COL19A1: variants seen among roughly 807,000 people sequenced by gnomAD.
COL19A1 encodes collagen alpha-1(XIX) chain.
A neutral mutation model predicts 190.2 loss-of-function variants in COL19A1; 159 were observed. The ratio of observed to expected loss-of-function variants is 0.84; its 90% CI spans 0.73 to 0.95. The LOEUF is 0.95. Ranked by LOEUF, COL19A1 falls within the 40% of genes least tolerant of loss-of-function variation. The probability of loss-of-function intolerance (pLI) is 0.00; values close to 1 mark genes in which losing one functional copy is unlikely to be tolerated. For missense variants in COL19A1, 1,418 were observed against 1,431.9 expected, an observed-to-expected ratio of 0.99 and a Z score of 0.16; for synonymous variants, 509 against 458.9, an observed-to-expected ratio of 1.11 and a Z score of -1.39.
chr6:70,003,301 A>G (rs1245846057), intron 11 of COL19A1, among the ~76,000 whole-genome samples: 1 of 152,094 alleles, frequency 6.6e-6, no homozygotes, highest in Admixed American at 6.5e-5. Context: ...TATGTGGTTG[A>G]TTTTAGAATA....
chr6:69,879,321 C>G (rs1231495662), intron 1 of COL19A1, among the ~76,000 whole-genome samples: 1 of 152,080 alleles, frequency 6.6e-6, no homozygotes, highest in East Asian at 1.9e-4. Flanking sequence ...ACATCAATAA[C>G]TAACTAGAAA....
chr6:70,021,980 G>T (rs111456517), intron 11 of COL19A1, among the ~76,000 whole-genome samples: 1 of 151,878 alleles, frequency 6.6e-6, no homozygotes, highest in Non-Finnish European at 1.5e-5. Context: ...TATTGTATGC[G>T]TTTCTTATGT....
At chr6:70,204,449 T>C (rs1336008378) in intron 49 of COL19A1, among the ~76,000 whole-genome samples, 1 of 152,234 alleles carries the variant, frequency 6.6e-6, no homozygotes, top group African/African-American at 2.4e-5. Context: ...TCGCTTTATC[T>C]ATTAATAACA....
Position 70,204,178 on chromosome 6 carries a change from G to A in COL19A1, c.3224-2723G>A, listed in dbSNP as rs117574542. On this transcript the variant is annotated intron_variant, in intron 49 of 50. Transcript: ENST00000620364. ...GCCTTGCCCATCCTGTAGACTTATCGTATATGGAAATACATGTCTCTTTGC... is the reference window on the plus strand; with the variant it reads ...GCCTTGCCCATCCTGTAGACTTATCATATATGGAAATACATGTCTCTTTGC... Among the ~76,000 whole-genome samples, 689 of 152,154 alleles carry A rather than the reference G, an allele frequency of 4.5e-3. 8 individuals carry two copies. The highest frequency in any genetic ancestry group is 0.034 in the Middle Eastern group (10 of 294).
In COL19A1 at chr6:70,041,517, C is replaced by T. The variant is rs533150648; in HGVS notation, c.1170+5578C>T. ...GTGCTATGTATTGTTTAAACCAAACCTTAAACAACCCTGTGAGGTATAAAA... is the reference window on the plus strand; with the variant it reads ...GTGCTATGTATTGTTTAAACCAAACTTTAAACAACCCTGTGAGGTATAAAA... On this transcript the variant is annotated intron_variant, in intron 14 of 50. Transcript: ENST00000620364. Among the ~76,000 whole-genome samples the T allele has an allele frequency of 2.4e-3, 371 of 151,904 alleles. 3 individuals are homozygous for T. The highest frequency in any genetic ancestry group is 8.5e-3 in the African/African-American group (351 of 41,436).
In COL19A1 at chr6:69,869,277, G is replaced by A. The variant is rs185145458; in HGVS notation, c.-33+2637G>A. Among the ~76,000 whole-genome samples, 914 of 152,336 alleles carry A rather than the reference G, an allele frequency of 6.0e-3. 4 individuals carry two copies. The highest frequency in any genetic ancestry group is 9.7e-3 in the Non-Finnish European group (662 of 68,022). ...AAATCTGAGATGAGTAGAGCAGATA[G>A]CACCTGCCAAGGAGAGATTGGAAAG... On this transcript the variant is annotated intron_variant, in intron 1 of 50. Transcript: ENST00000620364.
intron 14 of COL19A1, among the ~76,000 whole-genome samples, chr6:70,038,867 G>T (rs1009756026): frequency 1.3e-5 from 2 of 151,856 alleles, no homozygotes; most frequent in African/African-American, 4.8e-5. Context: ...GTTCTCTGTC[G>T]CATCCTGGCC....
intron 9 of COL19A1, among the ~76,000 whole-genome samples, chr6:69,942,465 A>G (rs1166458936): frequency 1.3e-5 from 2 of 152,166 alleles, no homozygotes; most frequent in South Asian, 4.1e-4. Context: ...TGAACAGAAG[A>G]GCTTATTTAT....
At chr6:70,032,097 A>G (rs1365987956) in intron 12 of COL19A1, among the ~76,000 whole-genome samples, 6 of 152,156 alleles carry the variant, frequency 3.9e-5, no homozygotes, top group African/African-American at 7.2e-5. Context: ...CTGGATAGAA[A>G]ATTACTAAGA....
intron 14 of COL19A1, among the ~76,000 whole-genome samples, chr6:70,062,281 G>C (rs975055967): frequency 2.6e-5 from 4 of 152,142 alleles, no homozygotes; most frequent in Admixed American, 6.6e-5. Flanking sequence ...ACTGAACTCT[G>C]AGAATATTAA....
At chr6:70,158,634 C>A (rs967041390) in intron 34 of COL19A1, among the ~76,000 whole-genome samples, 3 of 151,992 alleles carry the variant, frequency 2.0e-5, no homozygotes, top group Admixed American at 6.6e-5. Context: ...TGATTTCTTG[C>A]TTGAAATGCA....
chr6:69,888,135 A>G (rs1479473409), intron 2 of COL19A1, among the ~76,000 whole-genome samples: 1 of 152,176 alleles, frequency 6.6e-6, no homozygotes, highest in Admixed American at 6.5e-5. Context: ...AGAAAGGGCC[A>G]TTGTCAGAGG....
chr6:70,187,264 T>C (rs1371192256), intron 46 of COL19A1, among the ~76,000 whole-genome samples: 1 of 152,156 alleles, frequency 6.6e-6, no homozygotes, highest in Non-Finnish European at 1.5e-5. Context: ...TTTGATCTTT[T>C]CAATGGTTCT....
intron 11 of COL19A1, among the ~76,000 whole-genome samples, chr6:69,980,300 T>C (rs1390628772): frequency 6.6e-6 from 1 of 152,142 alleles, no homozygotes. Context: ...ATAACTTTTG[T>C]ATTTTTATTC....
chr6:70,074,484 G>T (rs905113241), intron 15 of COL19A1, among the ~76,000 whole-genome samples: 4 of 113,094 alleles, frequency 3.5e-5, no homozygotes, highest in Non-Finnish European at 6.7e-5. Flanking sequence ...GGGTGACAGA[G>T]CAAGACTCCA....
At chr6:69,892,841 A>G (rs1769445776) in intron 2 of COL19A1, among the ~76,000 whole-genome samples, 1 of 152,246 alleles carries the variant, frequency 6.6e-6, no homozygotes, top group Non-Finnish European at 1.5e-5. Flanking sequence ...ATACCCTTCC[A>G]GTCTAAGCCT....
At chr6:70,000,073 T>G (rs1038312205) in intron 11 of COL19A1, among the ~76,000 whole-genome samples, 1 of 152,050 alleles carries the variant, frequency 6.6e-6, no homozygotes, top group Non-Finnish European at 1.5e-5. Flanking sequence ...CCTGTGTCCA[T>G]TGTTCTCATT....
At chr6:70,049,916 C>T (rs1488500936) in intron 14 of COL19A1, among the ~76,000 whole-genome samples, 1 of 151,894 alleles carries the variant, frequency 6.6e-6, no homozygotes, top group East Asian at 1.9e-4. Context: ...GTGGTAATGC[C>T]TTATATTGAT....
At chr6:70,023,734 G>A (rs1042250068) in intron 12 of COL19A1, 54 bp downstream of exon 12, 15 of 1,472,538 alleles carry the variant, frequency 1.0e-5, no homozygotes, top group Non-Finnish European at 1.4e-5. Context: ...ACTAAGATAT[G>A]CTATTTAATG....
Sources: allele counts gnomAD v4.1 joint callset (sites outside exome capture counted in the v4.1 genomes callset), GRCh38; gene constraint gnomAD v4.1.1; transcripts MANE v1.5; gene names NCBI Gene and HGNC (gene_info 2026-07-23, HGNC 2026-07-21).